Variants in TMEM178B observed in about 807,000 individuals in gnomAD.
TMEM178B encodes transmembrane protein 178B.
Under a neutral mutation model 31.0 loss-of-function variants are expected in TMEM178B, and 5 were observed. That is an observed-to-expected ratio of 0.16 (90% confidence interval 0.08 to 0.34). The LOEUF (loss-of-function observed/expected upper bound fraction) is 0.34, where lower values mean the gene tolerates loss of function less well. TMEM178B is among the 10% of genes least tolerant of loss of function. TMEM178B has a pLI of 1.00. For missense variants in TMEM178B, 275 were observed against 400.3 expected (o/e 0.69, Z 2.67); for synonymous variants, 164 against 164.0 (o/e 1.00, Z 0.00).
chr7:141,177,903 A>T (rs556950395), intron 1 of TMEM178B, among the ~76,000 whole-genome samples: 1 of 152,270 alleles, frequency 6.6e-6, no homozygotes, highest in South Asian at 2.1e-4. Context: ...CCAATTTGCC[A>T]GTCTGTGTCT....
At chr7:141,457,348 C>G (rs2366240) in intron 3 of TMEM178B, among the ~76,000 whole-genome samples, 1 of 152,056 alleles carries the variant, frequency 6.6e-6, no homozygotes, top group Non-Finnish European at 1.5e-5. Flanking sequence ...TCCTAATATA[C>G]CCACATATAA....
intron 1 of TMEM178B, among the ~76,000 whole-genome samples, chr7:141,134,844 T>C (rs1465979531): frequency 1.3e-5 from 2 of 152,190 alleles, no homozygotes; most frequent in Non-Finnish European, 2.9e-5. Context: ...TCCATGCTGA[T>C]ATGGTTTTGT....
the TMEM178B span, among the ~76,000 whole-genome samples, chr7:141,494,500 A>G: frequency 6.6e-6 from 1 of 152,176 alleles, no homozygotes; most frequent in African/African-American, 2.4e-5. Context: ...TGAGACTTGA[A>G]CTCAGTTCTC....
intron 2 of TMEM178B, among the ~76,000 whole-genome samples, chr7:141,429,498 G>C (rs951928572): frequency 1.2e-4 from 18 of 152,220 alleles, no homozygotes; most frequent in Non-Finnish European, 2.6e-4. Context: ...TGATCACATA[G>C]AAGTAGAGAA....
chr7:141,413,664 A>C (rs1801044240), intron 2 of TMEM178B, among the ~76,000 whole-genome samples: 1 of 152,236 alleles, frequency 6.6e-6, no homozygotes, highest in African/African-American at 2.4e-5. Context: ...TTCTTTGTGG[A>C]ATCCAAATGC....
At chr7:141,451,790 G>A (rs1158351079) in intron 3 of TMEM178B, among the ~76,000 whole-genome samples, 1 of 152,156 alleles carries the variant, frequency 6.6e-6, no homozygotes, top group Non-Finnish European at 1.5e-5. Flanking sequence ...GGGCTTATGA[G>A]GCAGAAAGGA....
chr7:141,503,569 A>C, the TMEM178B span, among the ~76,000 whole-genome samples: 1 of 152,308 alleles, frequency 6.6e-6, no homozygotes, highest in African/African-American at 2.4e-5. Flanking sequence ...TTCCAGTCCC[A>C]TCCTGATGCC....
chr7:141,256,970 G>A (rs1476753676), intron 2 of TMEM178B, among the ~76,000 whole-genome samples: 1 of 152,152 alleles, frequency 6.6e-6, no homozygotes, highest in Non-Finnish European at 1.5e-5. Flanking sequence ...AACAGGATCA[G>A]TGTGCATGAT....
chr7:141,251,182 C>A (rs991765903), intron 2 of TMEM178B, among the ~76,000 whole-genome samples: 1 of 151,890 alleles, frequency 6.6e-6, no homozygotes, highest in African/African-American at 2.4e-5. Context: ...TTGTATGGGT[C>A]TCTCAATCCC....
At position 141,212,500 on chromosome 7, in the gene TMEM178B, T is replaced by G. The variant is rs1797066549; in HGVS notation, c.383-91T>G. 2.7e-6 allele frequency: 3 copies of G among 1,099,628 alleles called. No homozygotes were observed. In the South Asian group the frequency reaches 4.1e-5, roughly 15 times the overall value. 68.1% of individuals were successfully genotyped at this position (1,099,628 alleles called of 1,614,324 possible). The stretch of plus-strand genomic sequence containing the variant: ...CACCAGGCCCAATATGAAAGAAGTC[T>G]TCTTCTCCAGGATGGAAAAATTAAT... On this transcript the variant is annotated intron_variant, in intron 1 of 3. Transcript: ENST00000565468.
intron 1 of TMEM178B, among the ~76,000 whole-genome samples, chr7:141,184,497 C>A (rs1270431951): frequency 1.3e-5 from 2 of 152,158 alleles, no homozygotes; most frequent in Non-Finnish European, 2.9e-5. Flanking sequence ...ACACTATGGT[C>A]TATTTAGCCC....
intron 1 of TMEM178B, among the ~76,000 whole-genome samples, chr7:141,117,968 G>A (rs1269551787): frequency 6.6e-6 from 1 of 152,106 alleles, no homozygotes; most frequent in Non-Finnish European, 1.5e-5. Context: ...GAGACTTTTT[G>A]GGGGGTTAAG....
chr7:141,077,755 G>T (rs1377207907), intron 1 of TMEM178B, among the ~76,000 whole-genome samples: 3 of 152,170 alleles, frequency 2.0e-5, no homozygotes, highest in African/African-American at 7.2e-5. Context: ...TCTAATTATA[G>T]AAACACTTGT....
intron 2 of TMEM178B, among the ~76,000 whole-genome samples, chr7:141,365,661 C>G (rs1207569260): frequency 6.6e-6 from 1 of 152,234 alleles, no homozygotes; most frequent in Non-Finnish European, 1.5e-5. Context: ...TTTCTTCCAT[C>G]ACATGGCTGT....
intron 2 of TMEM178B, among the ~76,000 whole-genome samples, chr7:141,293,937 T>C (rs1013822345): frequency 2.6e-5 from 4 of 152,212 alleles, no homozygotes; most frequent in East Asian, 1.9e-4. Flanking sequence ...GTTATTTCCT[T>C]CTTAAGCTTT....
chr7:141,185,344 G>T (rs1276343944), intron 1 of TMEM178B, among the ~76,000 whole-genome samples: 1 of 152,182 alleles, frequency 6.6e-6, no homozygotes, highest in Non-Finnish European at 1.5e-5. Context: ...ATGAGTGCAG[G>T]GTTTCACTGA....
At chr7:141,504,806 G>A in the TMEM178B span, among the ~76,000 whole-genome samples, 1 of 152,204 alleles carries the variant, frequency 6.6e-6, no homozygotes, top group Admixed American at 6.5e-5. Context: ...AGTGTATATT[G>A]TACCCAACAA....
At chr7:141,438,006 A>G (rs527669766) in intron 3 of TMEM178B, among the ~76,000 whole-genome samples, 17 of 152,326 alleles carry the variant, frequency 1.1e-4, no homozygotes, top group Admixed American at 7.8e-4. Flanking sequence ...AAAGACACTT[A>G]CGGAGATGAT....
intron 1 of TMEM178B, among the ~76,000 whole-genome samples, chr7:141,143,485 A>G (rs886583910): frequency 1.3e-5 from 2 of 152,050 alleles, no homozygotes; most frequent in Admixed American, 1.3e-4. Context: ...TCCTTTCCCC[A>G]TTGCTTATTT....
Sources: allele counts gnomAD v4.1 joint callset (sites outside exome capture counted in the v4.1 genomes callset), GRCh38; gene constraint gnomAD v4.1.1; transcripts MANE v1.5; gene names NCBI Gene and HGNC (gene_info 2026-07-23, HGNC 2026-07-21).